The following DOC2B variants were observed in gnomAD, a reference collection of about 807,000 sequenced individuals.
DOC2B encodes double C2-like domain-containing protein beta.
DOC2B carries 21 observed loss-of-function variants against 28.9 expected under a neutral mutation model. That is an observed-to-expected ratio of 0.73 (90% CI 0.52 to 1.05). The LOEUF (loss-of-function observed/expected upper bound fraction) is 1.05, where lower values mean the gene tolerates loss of function less well. DOC2B is among the 50% of genes least tolerant of loss of function. The probability of loss-of-function intolerance (pLI) is 0.00; values close to 1 mark genes in which losing one functional copy is unlikely to be tolerated. For missense variants in DOC2B, 384 were observed against 421.1 expected (o/e 0.91, Z 0.77); for synonymous variants, 194 against 178.1 (o/e 1.09, Z -0.71).
At chr17:164,318 T>C (rs2040238007) in intron 2 of DOC2B, 114 bp from the exon 3 acceptor site, 1 of 792,864 alleles carries the variant, frequency 1.3e-6, no homozygotes. Context: ...ATGGCCCCTT[T>C]CACAGAAGCC....
chr17:144,848 T>A lies in DOC2B; in HGVS notation c.*2593A>T, dbSNP rs1353733599. Reference sequence around the variant, plus strand: ...CACCCACTGGGCCTCACATTCCCCATGTGCCTAATAAGGAAGTCATGGTAG... The same window carrying A: ...CACCCACTGGGCCTCACATTCCCCAAGTGCCTAATAAGGAAGTCATGGTAG... On this transcript the variant is annotated 3_prime_UTR_variant, in exon 9 of 9. Transcript: ENST00000613549. 1 of 152,228 alleles carries A rather than the reference T, an allele frequency of 6.6e-6. No individual in the cohort carries two copies. The highest frequency in any genetic ancestry group is 1.5e-5 in the Non-Finnish European group (1 of 68,064). 9.4% of individuals were successfully genotyped at this position (152,228 alleles called of 1,614,324 possible). A position where few individuals can be genotyped will look rare whatever the true frequency, so the allele number is the denominator to read the frequency against.
chr17:147,413 C>A lies in DOC2B; in HGVS notation c.*28G>T. 1 of 398,916 alleles carries A rather than the reference C, an allele frequency of 2.5e-6. No homozygotes were observed. 24.7% of individuals were successfully genotyped at this position (398,916 alleles called of 1,614,324 possible). On this transcript the variant is annotated 3_prime_UTR_variant, in exon 9 of 9. Transcript: ENST00000613549. ...GGCCGGCCGTGCTGGGCGCAGGTGG[C>A]GGCAGGGGTAGCAGTGGCGGGTGGG...
chr17:178,917 C>A (rs1357809563), intron 1 of DOC2B, among the ~76,000 whole-genome samples: 2 of 152,212 alleles, frequency 1.3e-5, no homozygotes, highest in African/African-American at 2.4e-5. Context: ...GAGGGGGGCA[C>A]CGCCTGGGGT....
Position 161,495 on chromosome 17 carries a change from C to A in DOC2B, c.685G>T (p.Gly229Trp), listed in dbSNP as rs1555523232. The change falls in exon 5 of 9, where the codon GGG becomes TGG. Residue 229 changes from glycine to tryptophan, a missense_variant. Transcript: ENST00000613549. ...EDKFRHNEFI[G>W]ETRVPLKKLK... The stretch of plus-strand genomic sequence containing the variant: ...TTCTTCAGGGGCACACGTGTCTCCC[C>A]GATGAACTCATTGTGCCGGAATTTG... 1.3e-6 allele frequency: 2 copies of A among 1,551,732 alleles called. No homozygotes were observed. Among genetic ancestry groups the A allele is most frequent in the Admixed American group, 3.9e-5 (2 of 51,018 alleles).
chr17:174,805 G>A lies in DOC2B; in HGVS notation c.374-2189C>T, dbSNP rs1430000170. On this transcript the variant is annotated intron_variant, in intron 1 of 8. Coordinates refer to ENST00000613549, the MANE Select transcript of DOC2B (RefSeq NM_003585.5). Reference sequence around the variant, plus strand: ...GACCAGGTGATGATACTTGTTGGAAGTGTGTGCAAACTAAGAGCCAACAGG... The same window carrying A: ...GACCAGGTGATGATACTTGTTGGAAATGTGTGCAAACTAAGAGCCAACAGG... Among the ~76,000 whole-genome samples, 6 of 152,242 alleles carry A rather than the reference G, an allele frequency of 3.9e-5. No individual in the cohort carries two copies. In the East Asian group the frequency reaches 1.2e-3, roughly 29 times the overall value.
intron 6 of DOC2B, among the ~76,000 whole-genome samples, chr17:154,181 C>CT (rs2040105568): frequency 6.6e-6 from 1 of 150,576 alleles, no homozygotes; most frequent in African/African-American, 2.5e-5. Flanking sequence ...TGATATTCCA[C>CT]GCACCTGCTA....
In DOC2B at chr17:181,643, G is replaced by T. The variant is rs1326887192; in HGVS notation, c.-164C>A. 2 of 181,950 alleles carry T rather than the reference G, an allele frequency of 1.1e-5. No homozygotes were observed. The highest frequency in any genetic ancestry group is 2.4e-5 in the African/African-American group (1 of 41,578). 11.3% of individuals were successfully genotyped at this position (181,950 alleles called of 1,614,324 possible). A position where few individuals can be genotyped will look rare whatever the true frequency, so the allele number is the denominator to read the frequency against. On this transcript the variant is annotated 5_prime_UTR_variant, in exon 1 of 9. Coordinates refer to ENST00000613549, the MANE Select transcript of DOC2B (RefSeq NM_003585.5). The surrounding 1 kb of genome is among the most constrained non-coding windows in gnomAD (Gnocchi z 7.0). Reference sequence around the variant, plus strand: ...CTGCCCGCTCCGCTGCGGACGGCGCGAGCGAGTGCCAGAGGCCGGCAGGCA... The same window carrying T: ...CTGCCCGCTCCGCTGCGGACGGCGCTAGCGAGTGCCAGAGGCCGGCAGGCA...
intron 1 of DOC2B, among the ~76,000 whole-genome samples, chr17:178,704 A>G (rs139498593): frequency 0.029 from 4,398 of 152,328 alleles, 210 homozygotes; most frequent in African/African-American, 0.1. Flanking sequence ...GGGCTTTAAA[A>G]AGCCAGGAGA....
intron 5 of DOC2B, among the ~76,000 whole-genome samples, chr17:158,899 G>C (rs189407614): frequency 1.3e-5 from 2 of 148,476 alleles, no homozygotes; most frequent in African/African-American, 2.4e-5. Context: ...ACAAAAATTA[G>C]CCGGGTGTGG....
At position 142,883 on chromosome 17, in the gene DOC2B, T is replaced by C. The variant is rs1402474306; in HGVS notation, c.*4558A>G. 1 of 152,244 alleles carries C rather than the reference T, an allele frequency of 6.6e-6. No homozygotes were observed. The highest frequency in any genetic ancestry group is 2.4e-5 in the African/African-American group (1 of 41,474). 9.4% of individuals were successfully genotyped at this position (152,244 alleles called of 1,614,324 possible). On this transcript the variant is annotated 3_prime_UTR_variant, in exon 9 of 9. Transcript: ENST00000613549. ...TATTCAACAATTGATCAACATTTTC[T>C]AACAAGGTGGAATGAAAATATAAAG...
intron 1 of DOC2B, among the ~76,000 whole-genome samples, chr17:180,872 G>T (rs1003738071): frequency 5.3e-5 from 8 of 151,558 alleles, no homozygotes; most frequent in African/African-American, 1.9e-4. Context: ...ACCCCCAGGG[G>T]GTGCCCCCGA....
At position 181,294 on chromosome 17, in the gene DOC2B, C is replaced by T. The variant is rs541499941; in HGVS notation, c.186G>A (p.Pro62=). The T allele has an allele frequency of 6.7e-6, 8 of 1,191,000 alleles. No individual in the cohort carries two copies. The East Asian group carries it at 1.4e-4, about 21-fold the overall frequency. The allele number at this position is 1,191,000 out of a possible 1,614,324, so 73.8% of individuals were successfully genotyped here. The stretch of plus-strand genomic sequence containing the variant: ...TGCGGCGGCCGGCACCGGCCACAGC[C>T]GGGCGCGCGGGGGCGTCCGGGGGTG... ...AAAPPDAPAR[P]AVAGAGRRSP... Residue 62 remains proline (P), a synonymous_variant, in exon 1 of 9, where the codon CCG becomes CCA. Transcript: ENST00000613549. The surrounding 1 kb of genome is among the most constrained non-coding windows in gnomAD (Gnocchi z 7.0).
intron 8 of DOC2B, 115 bp from the exon 9 acceptor site, chr17:147,692 G>A: frequency 2.5e-6 from 1 of 398,340 alleles, no homozygotes; most frequent in Non-Finnish European, 4.4e-6. Flanking sequence ...ACTGCCCGCT[G>A]GGTTCTGAGC....
chr17:143,947 C>G lies in DOC2B; in HGVS notation c.*3494G>C, dbSNP rs1277982725. 1 of 152,412 alleles carries G rather than the reference C, an allele frequency of 6.6e-6. No individual in the cohort carries two copies. Among genetic ancestry groups the G allele is most frequent in the Non-Finnish European group, 1.5e-5 (1 of 68,048 alleles). The allele number at this position is 152,412 out of a possible 1,614,324, so 9.4% of individuals were successfully genotyped here. On this transcript the variant is annotated 3_prime_UTR_variant, in exon 9 of 9. Transcript: ENST00000613549. ...TCGGTTTGCGAAGGAACAACGGGCT[C>G]GGCATGCACGGCCCGGGCTCGGCGG...
At position 163,834 on chromosome 17, in the gene DOC2B, T is replaced by G; in HGVS notation, c.528+296A>C. On this transcript the variant is annotated intron_variant, in intron 3 of 8. Coordinates refer to ENST00000613549, the MANE Select transcript of DOC2B (RefSeq NM_003585.5). ...AATAGTAACTTCCAGCTGAGAATGC[T>G]TCTTATAAAATGCTGGCCTGGAAAT... The G allele has an allele frequency of 1.6e-5, 6 of 386,638 alleles. No individual in the cohort carries two copies. In the East Asian group the frequency reaches 2.3e-4, roughly 15 times the overall value. 24.0% of individuals were successfully genotyped at this position (386,638 alleles called of 1,614,324 possible).
At chr17:164,679 G>A (rs934914984) in intron 2 of DOC2B, among the ~76,000 whole-genome samples, 8 of 152,134 alleles carry the variant, frequency 5.3e-5, no homozygotes, top group African/African-American at 1.9e-4. Context: ...TCAGTCCACA[G>A]AGATCACACA....
intron 2 of DOC2B, among the ~76,000 whole-genome samples, chr17:172,048 G>A (rs181855553): frequency 2.6e-5 from 4 of 152,192 alleles, no homozygotes; most frequent in East Asian, 1.9e-4. Flanking sequence ...CCCAGCCCAC[G>A]TAGTGAGGCT....
In DOC2B at chr17:156,232, G is replaced by C. The variant is rs2040133470; in HGVS notation, c.911C>G (p.Pro304Arg). 6.5e-7 allele frequency: 1 copy of C among 1,549,836 alleles called. No homozygotes were observed. Among genetic ancestry groups the C allele is most frequent in the Non-Finnish European group, 8.7e-7 (1 of 1,146,264 alleles). The change falls in exon 6 of 9, where the codon CCC (proline) becomes CGC (arginine). Residue 304 changes from proline to arginine, a missense_variant. Coordinates refer to ENST00000613549, the MANE Select transcript of DOC2B (RefSeq NM_003585.5). Reference sequence around the variant, plus strand: ...ACGGCACACTCACGTTTTCACGTAGGGGTCCGAGTAGCCGTTGGCGTCCAT... The same window carrying C: ...ACGGCACACTCACGTTTTCACGTAGCGGTCCGAGTAGCCGTTGGCGTCCAT... Reference protein sequence around the residue: ...AAMDANGYSDPYVKTYLRPDV... With the variant: ...AAMDANGYSDRYVKTYLRPDV...
intron 3 of DOC2B, 56 bp from the exon 4 acceptor site, chr17:162,246 T>C: frequency 7.4e-7 from 1 of 1,351,716 alleles, no homozygotes. Flanking sequence ...AACAGAACAA[T>C]GGCCCCCAGA....
Sources: gnomAD v4.1 joint callset for allele counts (sites outside exome capture counted in the v4.1 genomes callset) on GRCh38, gnomAD v4.1.1 for gene constraint, Gnocchi (gnomAD v3.1) non-coding constraint, MANE v1.5 for transcripts, NCBI Gene and HGNC (gene_info 2026-07-23, HGNC 2026-07-21) for gene names.